Variants in PPP6R3 observed in about 807,000 individuals in gnomAD.
PPP6R3 encodes the protein protein phosphatase 6 regulatory subunit 3.
In PPP6R3, 38 loss-of-function variants were observed where a neutral mutation model predicts 110.7. The ratio of observed to expected loss-of-function variants is 0.34; its 90% CI spans 0.26 to 0.45. PPP6R3 has a LOEUF of 0.45. Ranked by LOEUF, PPP6R3 falls within the 20% of genes least tolerant of loss-of-function variation. The pLI, the probability that PPP6R3 is intolerant of heterozygous loss-of-function variation, is 1.00. For missense variants in PPP6R3, 870 were observed against 1,062.4 expected (o/e 0.82, Z 2.52); for synonymous variants, 369 against 373.5 (o/e 0.99, Z 0.14).
rs767374353 is a variant in PPP6R3, at chr11:68,571,102, A to G, written c.1341A>G (p.Lys447=). Residue 447 remains lysine, a splice_region_variant and synonymous_variant, in exon 12 of 24, where the codon AAA becomes AAG. Coordinates refer to ENST00000393800, the MANE Select transcript of PPP6R3 (RefSeq NM_001164161.2). ...ILEAWEMNEK[K]QAEGGRRHGY... Reference sequence around the variant, plus strand: ...AAGCCTGGGAAATGAATGAGAAGAAACAGTAAGTAAATTGTTTTTTTGAAA... The same window carrying G: ...AAGCCTGGGAAATGAATGAGAAGAAGCAGTAAGTAAATTGTTTTTTTGAAA... 1 of 1,597,986 alleles carries G rather than the reference A, an allele frequency of 6.3e-7. No homozygotes were observed. The highest frequency in any genetic ancestry group is 2.2e-5 in the East Asian group (1 of 44,578).
chr11:68,520,852 A>G (rs980156583), intron 2 of PPP6R3, among the ~76,000 whole-genome samples: 8 of 151,914 alleles, frequency 5.3e-5, no homozygotes, highest in South Asian at 4.2e-4. Flanking sequence ...GCTGACTGCA[A>G]TCTCCACCTC....
intron 1 of PPP6R3, among the ~76,000 whole-genome samples, chr11:68,465,026 TGC>T: frequency 6.6e-6 from 1 of 151,994 alleles, no homozygotes; most frequent in Non-Finnish European, 1.5e-5. Context: ...GGATTACAGG[TGC>T]GTGCCACCAC....
intron 1 of PPP6R3, among the ~76,000 whole-genome samples, chr11:68,491,917 A>C (rs2098986827): frequency 1.3e-5 from 2 of 152,006 alleles, no homozygotes; most frequent in Admixed American, 1.3e-4. Flanking sequence ...AAAGTTTATG[A>C]ATTTGTGTTG....
At chr11:68,573,017 T>C (rs1056151882) in intron 12 of PPP6R3, among the ~76,000 whole-genome samples, 2 of 149,690 alleles carry the variant, frequency 1.3e-5, no homozygotes, top group Non-Finnish European at 3.0e-5. Context: ...GTTTGTTCCC[T>C]GCTATCTGCA....
At position 68,528,439 on chromosome 11, in the gene PPP6R3, G is replaced by C. The variant is rs530892710; in HGVS notation, c.-7+8788G>C. On this transcript the variant is annotated intron_variant, in intron 2 of 23. Coordinates refer to ENST00000393800, the MANE Select transcript of PPP6R3 (RefSeq NM_001164161.2). The stretch of plus-strand genomic sequence containing the variant: ...TTGATTTAATTTGTGTGTGTGGGGG[G>C]GGGGGCTGCACCTTTATGAAATTGA... Among the ~76,000 whole-genome samples the C allele has an allele frequency of 1.5e-4, 22 of 145,740 alleles. No individual in the cohort carries two copies. In the East Asian group the frequency reaches 2.2e-3, roughly 14 times the overall value.
Position 68,613,118 on chromosome 11 carries a change from C to T in PPP6R3, c.*1C>T, listed in dbSNP as rs139831773. ...CACTTCAGTGAATGGCCCTGTATGA[C>T]GGGTGACGTCTGCTGCTGCTGACTG... On this transcript the variant is annotated 3_prime_UTR_variant, in exon 24 of 24. Transcript: ENST00000393800. 1.5e-5 allele frequency: 25 copies of T among 1,613,908 alleles called. No individual in the cohort carries two copies. The highest frequency in any genetic ancestry group is 6.7e-5 in the African/African-American group (5 of 74,904).
chr11:68,490,568 T>C (rs2153433523), intron 1 of PPP6R3, among the ~76,000 whole-genome samples: 1 of 152,280 alleles, frequency 6.6e-6, no homozygotes, highest in East Asian at 1.9e-4. Flanking sequence ...TTTTTCCAGA[T>C]ATTACCATCA....
rs1944687094 is a variant in PPP6R3 at position 68,614,034 on chromosome 11, A to G, written c.*917A>G. 4.1e-6 allele frequency: 4 copies of G among 985,554 alleles called. No individual in the cohort carries two copies. The highest frequency in any genetic ancestry group is 6.2e-5 in the Admixed American group (1 of 16,258). 61.1% of individuals were successfully genotyped at this position (985,554 alleles called of 1,614,324 possible). On this transcript the variant is annotated 3_prime_UTR_variant, in exon 24 of 24. Transcript: ENST00000393800. The stretch of plus-strand genomic sequence containing the variant: ...CAATGAACATTTCAGAGCAATCTGC[A>G]TATTTAACAGACCTAAAATAAATCC...
rs1172243859 is a variant in PPP6R3 at position 68,614,597 on chromosome 11, G to T, written c.*1480G>T. 1 of 1,504,760 alleles carries T rather than the reference G, an allele frequency of 6.6e-7. No homozygotes were observed. The highest frequency in any genetic ancestry group is 2.8e-5 in the Admixed American group (1 of 36,352). The allele number at this position is 1,504,760 out of a possible 1,614,324, so 93.2% of individuals were successfully genotyped here. On this transcript the variant is annotated 3_prime_UTR_variant, in exon 24 of 24. Coordinates refer to ENST00000393800, the MANE Select transcript of PPP6R3 (RefSeq NM_001164161.2). ...GAAATAAAAGAATCAAACGTCTAATGCCTTATTATTTCTGATTTCCTTTTT... is the reference window on the plus strand; with the variant it reads ...GAAATAAAAGAATCAAACGTCTAATTCCTTATTATTTCTGATTTCCTTTTT...
intron 1 of PPP6R3, among the ~76,000 whole-genome samples, chr11:68,504,182 A>T (rs575186133): frequency 5.2e-4 from 79 of 152,310 alleles, no homozygotes; most frequent in African/African-American, 1.8e-3. Flanking sequence ...TGTCTATATC[A>T]GGTAAAGCAT....
intron 5 of PPP6R3, among the ~76,000 whole-genome samples, chr11:68,550,141 A>T (rs768840608): frequency 6.6e-6 from 1 of 152,228 alleles, no homozygotes; most frequent in African/African-American, 2.4e-5. Flanking sequence ...ATCAGAATAT[A>T]CATTTGAACA....
rs777379234 is a variant in PPP6R3, at chr11:68,587,174, ACACC to A, written c.1633-751_1633-748del. 711 of 125,146 alleles carry A rather than the reference ACACC, an allele frequency of 5.7e-3. 5 individuals carry two copies. Among genetic ancestry groups the A allele is most frequent in the Middle Eastern group, 0.015 (4 of 270 alleles). The allele number at this position is 125,146 out of a possible 1,614,324, so 7.8% of individuals were successfully genotyped here. A position where few individuals can be genotyped will look rare whatever the true frequency, so the allele number is the denominator to read the frequency against. ...CAACATTTTCCTGGGGTCCATTATAACACCCCCCCCCCCCACATTTTCAACTAAA... is the reference window on the plus strand; with the variant it reads ...CAACATTTTCCTGGGGTCCATTATAACCCCCCCCCCACATTTTCAACTAAA... On this transcript the variant is annotated intron_variant, in intron 15 of 23. Transcript: ENST00000393800.
chr11:68,580,107 G>A (rs1323469912), intron 14 of PPP6R3, among the ~76,000 whole-genome samples: 2 of 152,168 alleles, frequency 1.3e-5, no homozygotes, highest in African/African-American at 2.4e-5. Flanking sequence ...GTGCATTTGT[G>A]GAGTGGAGAG....
chr11:68,556,963 A>T (rs1443030346), intron 7 of PPP6R3, among the ~76,000 whole-genome samples: 5 of 152,246 alleles, frequency 3.3e-5, no homozygotes, highest in Admixed American at 6.5e-5. Flanking sequence ...TGAAATGGCT[A>T]GGGCCTCTGT....
chr11:68,584,891 A>G (rs941756289), intron 15 of PPP6R3, among the ~76,000 whole-genome samples: 1 of 152,232 alleles, frequency 6.6e-6, no homozygotes, highest in Admixed American at 6.5e-5. Context: ...TCATTTTGAA[A>G]ATAAATACAC....
At chr11:68,607,360 G>T (rs1033243763) in intron 22 of PPP6R3, among the ~76,000 whole-genome samples, 1 of 152,186 alleles carries the variant, frequency 6.6e-6, no homozygotes, top group Non-Finnish European at 1.5e-5. Context: ...GGAAGGGAGA[G>T]GAAGGGCTGG....
chr11:68,481,321 A>G (rs1336033443), intron 1 of PPP6R3, among the ~76,000 whole-genome samples: 2 of 152,162 alleles, frequency 1.3e-5, no homozygotes, highest in Admixed American at 6.5e-5. Context: ...TGCCTCTGCC[A>G]TGGCCTTCAT....
rs2099153315 is a variant in PPP6R3 at position 68,519,481 on chromosome 11, C to T, written c.-157-20C>T. Reference sequence around the variant, plus strand: ...AAAAGAGAACATATGTGATTATCTGCTTTTTTTTTTCTTTTACAGGAGAGC... The same window carrying T: ...AAAAGAGAACATATGTGATTATCTGTTTTTTTTTTTCTTTTACAGGAGAGC... On this transcript the variant is annotated intron_variant, in intron 1 of 23. Coordinates refer to ENST00000393800, the MANE Select transcript of PPP6R3 (RefSeq NM_001164161.2). The T allele has an allele frequency of 2.9e-6, 1 of 348,724 alleles. No homozygotes were observed. The highest frequency in any genetic ancestry group is 5.1e-6 in the Non-Finnish European group (1 of 194,908). The allele number at this position is 348,724 out of a possible 1,614,324, so 21.6% of individuals were successfully genotyped here. A position where few individuals can be genotyped will look rare whatever the true frequency, so the allele number is the denominator to read the frequency against.
At chr11:68,576,079 TG>T in intron 14 of PPP6R3, 36 bp downstream of exon 14, 1 of 1,458,372 alleles carries the variant, frequency 6.9e-7, no homozygotes, top group Non-Finnish European at 9.6e-7. Context: ...ATTCTTTCAG[TG>T]CTCTTAGCCT....
Sources: gnomAD v4.1 joint callset for allele counts (sites outside exome capture counted in the v4.1 genomes callset) on GRCh38, gnomAD v4.1.1 for gene constraint, MANE v1.5 for transcripts, NCBI Gene and HGNC (gene_info 2026-07-23, HGNC 2026-07-21) for gene names.